The following CAMKMT variants were observed in gnomAD, a reference collection of about 807,000 sequenced individuals.
CAMKMT encodes the protein CaM KMT.
CAMKMT carries 53 observed loss-of-function variants against 48.0 expected under a neutral mutation model. The ratio of observed to expected loss-of-function variants is 1.10; its 90% CI spans 0.89 to 1.39. The LOEUF (loss-of-function observed/expected upper bound fraction) is 1.39, where lower values mean the gene tolerates loss of function less well. Ranked by LOEUF, CAMKMT falls within the 40% of genes most tolerant of loss-of-function variation. The probability of loss-of-function intolerance (pLI) is 0.00; values close to 1 mark genes in which losing one functional copy is unlikely to be tolerated. For synonymous variants in CAMKMT, 165 were observed against 152.3 expected (o/e 1.08, Z -0.61); for missense variants, 428 against 402.7 (o/e 1.06, Z -0.54).
intron 7 of CAMKMT, among the ~76,000 whole-genome samples, chr2:44,739,755 G>A (rs1005204470): frequency 6.6e-6 from 1 of 152,128 alleles, no homozygotes; most frequent in Non-Finnish European, 1.5e-5. Flanking sequence ...AGAGGAATTG[G>A]CAACAGAGCG....
chr2:44,515,779 TTC>T (rs1558669810), intron 3 of CAMKMT, among the ~76,000 whole-genome samples: 24 of 152,168 alleles, frequency 1.6e-4, no homozygotes, highest in African/African-American at 5.6e-4. Flanking sequence ...TAGCTCTGTC[TTC>T]TTCTTTGTCC....
rs113912827 is a variant in CAMKMT at position 44,772,361 on chromosome 2, T to G, written c.*248T>G. On this transcript the variant is annotated 3_prime_UTR_variant, in exon 11 of 11. Transcript: ENST00000378494. ...AAACCTTTGTTTGTCTTTAAATGTGTATAAGCTGCCTGTCTGTGACTTGAA... is the reference window on the plus strand; with the variant it reads ...AAACCTTTGTTTGTCTTTAAATGTGGATAAGCTGCCTGTCTGTGACTTGAA... The G allele has an allele frequency of 7.7e-3, 2,734 of 355,210 alleles. 11 individuals are homozygous for G. Among genetic ancestry groups the G allele is most frequent in the South Asian group, 0.011 (107 of 9,754 alleles). The allele number at this position is 355,210 out of a possible 1,614,324, so 22.0% of individuals were successfully genotyped here.
intron 3 of CAMKMT, among the ~76,000 whole-genome samples, chr2:44,513,359 C>G (rs1670665653): frequency 6.6e-6 from 1 of 151,968 alleles, no homozygotes; most frequent in Non-Finnish European, 1.5e-5. Context: ...AATGAATTAA[C>G]AAATGAACAA....
chr2:44,696,932 T>C (rs976115692), intron 3 of CAMKMT, among the ~76,000 whole-genome samples: 2 of 152,030 alleles, frequency 1.3e-5, no homozygotes, highest in African/African-American at 2.4e-5. Flanking sequence ...ATAGCATATA[T>C]TAAAAGAACA....
intron 3 of CAMKMT, among the ~76,000 whole-genome samples, chr2:44,470,584 G>C (rs1668361615): frequency 6.6e-6 from 1 of 152,074 alleles, no homozygotes; most frequent in Non-Finnish European, 1.5e-5. Flanking sequence ...GGGGGTTTTG[G>C]TTATTCTACT....
intron 3 of CAMKMT, among the ~76,000 whole-genome samples, chr2:44,424,445 A>G (rs537608327): frequency 6.6e-6 from 1 of 152,274 alleles, no homozygotes; most frequent in East Asian, 1.9e-4. Context: ...TGAGGGCTAC[A>G]TGCATCAGTG....
At chr2:44,631,548 T>C (rs10191477) in intron 3 of CAMKMT, 363,744 of 598,114 alleles carry the variant, frequency 0.61, 112,366 homozygotes, top group Middle Eastern at 0.72. Context: ...AAGCAATCCT[T>C]CTGCCTCAGC....
chr2:44,527,490 G>A (rs1417485834), intron 3 of CAMKMT, among the ~76,000 whole-genome samples: 1 of 145,680 alleles, frequency 6.9e-6, no homozygotes, highest in Non-Finnish European at 1.5e-5. Flanking sequence ...TTGAACTCCT[G>A]GGCTCAAGAC....
rs1301135062 is a variant in CAMKMT, at chr2:44,410,231, G to GTATATATATA, written c.376+19934_376+19943dup. ...AACTTAAGTAATTAGTCAGGTATCA[G>GTATATATATA]TATATATATATATATATTTTTTTTT... On this transcript the variant is annotated intron_variant, in intron 3 of 10. Coordinates refer to ENST00000378494, the MANE Select transcript of CAMKMT (RefSeq NM_024766.5). Among the ~76,000 whole-genome samples the GTATATATATA allele has an allele frequency of 1.3e-3, 26 of 20,442 alleles. 4 individuals carry two copies. The highest frequency in any genetic ancestry group is 0.071 in the Middle Eastern group (2 of 28). The allele number at this position is 20,442 out of a possible 152,430, so 13.4% of individuals were successfully genotyped here. A position where few individuals can be genotyped will look rare whatever the true frequency, so the allele number is the denominator to read the frequency against.
intron 3 of CAMKMT, among the ~76,000 whole-genome samples, chr2:44,677,829 G>A (rs1675800125): frequency 6.6e-6 from 1 of 151,478 alleles, no homozygotes; most frequent in Non-Finnish European, 1.5e-5. Flanking sequence ...TTGCTCTTGG[G>A]GTGTGTGTGT....
chr2:44,581,160 T>G (rs918846896), intron 3 of CAMKMT, among the ~76,000 whole-genome samples: 2 of 152,110 alleles, frequency 1.3e-5, no homozygotes, highest in African/African-American at 4.8e-5. Context: ...AAAGGAGAAA[T>G]TTTCAAAGAT....
chr2:44,536,986 C>G (rs573014357), intron 3 of CAMKMT, among the ~76,000 whole-genome samples: 1 of 152,022 alleles, frequency 6.6e-6, no homozygotes, highest in Non-Finnish European at 1.5e-5. Flanking sequence ...GGACCCATAT[C>G]TCTCTCCACG....
chr2:44,757,831 C>A (rs1316666688), intron 9 of CAMKMT, among the ~76,000 whole-genome samples: 1 of 152,154 alleles, frequency 6.6e-6, no homozygotes, highest in Non-Finnish European at 1.5e-5. Flanking sequence ...CTTGGCCTAC[C>A]AAAGTGCTGG....
intron 6 of CAMKMT, among the ~76,000 whole-genome samples, chr2:44,709,471 T>C (rs1262141415): frequency 1.3e-5 from 2 of 152,186 alleles, no homozygotes; most frequent in African/African-American, 2.4e-5. Context: ...TAATTTTTTT[T>C]AATTAAGAGA....
intron 3 of CAMKMT, among the ~76,000 whole-genome samples, chr2:44,689,518 C>T (rs375002354): frequency 6.6e-6 from 1 of 151,986 alleles, no homozygotes; most frequent in Admixed American, 6.5e-5. Context: ...ACAGCAGGGC[C>T]TTGGGGGAAG....
In CAMKMT at chr2:44,693,645, G is replaced by A. The variant is rs529429452; in HGVS notation, c.377-10638G>A. Among the ~76,000 whole-genome samples, 6 of 152,350 alleles carry A rather than the reference G, an allele frequency of 3.9e-5. No homozygotes were observed. In the South Asian group the frequency reaches 1.0e-3, roughly 26 times the overall value. The stretch of plus-strand genomic sequence containing the variant: ...CCAATAAATATTTGAGGAGCATTCT[G>A]TAGTCCTCTTGTGGATTTCTGCACT... On this transcript the variant is annotated intron_variant, in intron 3 of 10. Coordinates refer to ENST00000378494, the MANE Select transcript of CAMKMT (RefSeq NM_024766.5).
chr2:44,418,665 G>T (rs1683730482), intron 3 of CAMKMT, among the ~76,000 whole-genome samples: 1 of 152,160 alleles, frequency 6.6e-6, no homozygotes, highest in African/African-American at 2.4e-5. Flanking sequence ...GTCTGGAAAT[G>T]GGATAATGTA....
intron 3 of CAMKMT, among the ~76,000 whole-genome samples, chr2:44,426,125 C>T (rs1168847824): frequency 1.3e-5 from 2 of 152,068 alleles, no homozygotes; most frequent in African/African-American, 4.8e-5. Context: ...TTACTTTATA[C>T]AAATAATTAG....
chr2:44,767,431 C>T (rs191882033), intron 10 of CAMKMT, among the ~76,000 whole-genome samples: 1 of 152,220 alleles, frequency 6.6e-6, no homozygotes, highest in East Asian at 1.9e-4. Flanking sequence ...TCCTTTATTA[C>T]CCAGGACTGT....
Sources: gnomAD v4.1 joint callset for allele counts (sites outside exome capture counted in the v4.1 genomes callset) on GRCh38, gnomAD v4.1.1 for gene constraint, MANE v1.5 for transcripts, NCBI Gene and HGNC (gene_info 2026-07-23, HGNC 2026-07-21) for gene names.